DPP6: variants seen among roughly 807,000 people sequenced by gnomAD.
The protein encoded by DPP6 is A-type potassium channel modulatory protein DPP6.
Under a neutral mutation model 122.6 loss-of-function variants are expected in DPP6, and 69 were observed. The ratio of observed to expected loss-of-function variants is 0.56; its 90% CI spans 0.46 to 0.69. The LOEUF (loss-of-function observed/expected upper bound fraction) is 0.69. Among genes scored for constraint, DPP6 ranks in the 30% least tolerant of loss-of-function variants. The probability of loss-of-function intolerance (pLI) is 0.00; values close to 1 mark genes in which losing one functional copy is unlikely to be tolerated. For synonymous variants in DPP6, 418 were observed against 433.1 expected (o/e 0.97, Z 0.43); for missense variants, 928 against 1,116.9 (o/e 0.83, Z 2.41).
At chr7:154,757,694 G>A (rs533339605) in intron 8 of DPP6, among the ~76,000 whole-genome samples, 1 of 152,310 alleles carries the variant, frequency 6.6e-6, no homozygotes, top group Non-Finnish European at 1.5e-5. Context: ...TGGAGAGTCT[G>A]CCTCACAGCA....
intron 1 of DPP6, among the ~76,000 whole-genome samples, chr7:154,340,692 T>G (rs1031606755): frequency 6.6e-6 from 1 of 152,234 alleles, no homozygotes; most frequent in Non-Finnish European, 1.5e-5. Flanking sequence ...AACTAACATG[T>G]GTTTTTCATG....
At chr7:154,848,445 A>G (rs1218716632) in intron 16 of DPP6, among the ~76,000 whole-genome samples, 3 of 152,040 alleles carry the variant, frequency 2.0e-5, no homozygotes, top group Non-Finnish European at 4.4e-5. Flanking sequence ...TTTTTCATGT[A>G]TCTATTTTCT....
chr7:154,166,954 C>T (rs1229464395), intron 1 of DPP6, among the ~76,000 whole-genome samples: 3 of 148,360 alleles, frequency 2.0e-5, no homozygotes, highest in Non-Finnish European at 4.4e-5. Context: ...GAGATCACAC[C>T]ACTGCACTCC....
At chr7:154,153,824 C>T (rs1365802066) in intron 1 of DPP6, among the ~76,000 whole-genome samples, 1 of 152,154 alleles carries the variant, frequency 6.6e-6, no homozygotes, top group African/African-American at 2.4e-5. Context: ...AAAACAACAG[C>T]AGGCCCCGGG....
intron 1 of DPP6, among the ~76,000 whole-genome samples, chr7:154,243,220 A>AT (rs1269353512): frequency 6.6e-6 from 1 of 152,208 alleles, no homozygotes; most frequent in Non-Finnish European, 1.5e-5. Flanking sequence ...CCAGAATAAA[A>AT]TTTTTTTAAA....
chr7:153,801,958 TCTC>T, the DPP6 span, among the ~76,000 whole-genome samples: 1 of 152,068 alleles, frequency 6.6e-6, no homozygotes, highest in Admixed American at 6.5e-5. Flanking sequence ...CAAATATTGA[TCTC>T]CTCATGTCTC....
At chr7:154,110,291 C>A (rs1295145494) in intron 1 of DPP6, among the ~76,000 whole-genome samples, 1 of 152,064 alleles carries the variant, frequency 6.6e-6, no homozygotes, top group East Asian at 1.9e-4. Context: ...TTAGTGCCTA[C>A]CCTCTGATCA....
intron 1 of DPP6, among the ~76,000 whole-genome samples, chr7:154,136,386 C>T (rs1363969366): frequency 6.6e-6 from 1 of 152,126 alleles, no homozygotes; most frequent in East Asian, 1.9e-4. Context: ...CTTCCTCTCC[C>T]TAGGAGACAT....
At chr7:154,379,365 G>C (rs2151138192) in intron 1 of DPP6, among the ~76,000 whole-genome samples, 2 of 152,160 alleles carry the variant, frequency 1.3e-5, no homozygotes, top group Middle Eastern at 6.8e-3. Context: ...TCAGGTGGTG[G>C]GGGGCTGGGG....
At position 154,892,656 on chromosome 7, in the gene DPP6, G is replaced by A. The variant is rs1274186010; in HGVS notation, c.*176G>A. ...GCTTGGGAAACAAGCTCCTTCCCCG[G>A]GGTCATCACTCACGGCCTCCATGGC... On this transcript the variant is annotated 3_prime_UTR_variant, in exon 26 of 26. Coordinates refer to ENST00000377770, the MANE Select transcript of DPP6 (RefSeq NM_130797.4). 1 of 1,321,996 alleles carries A rather than the reference G, an allele frequency of 7.6e-7. No individual in the cohort carries two copies. The allele number at this position is 1,321,996 out of a possible 1,614,324, so 81.9% of individuals were successfully genotyped here. A position where few individuals can be genotyped will look rare whatever the true frequency, so the allele number is the denominator to read the frequency against.
At chr7:154,020,470 C>T (rs889255649) in intron 1 of DPP6, among the ~76,000 whole-genome samples, 1 of 151,790 alleles carries the variant, frequency 6.6e-6, no homozygotes, top group African/African-American at 2.4e-5. Flanking sequence ...AAAGATTAGC[C>T]TAGAGTCTCA....
At chr7:153,834,289 A>AAG in the DPP6 span, among the ~76,000 whole-genome samples, 12 of 150,958 alleles carry the variant, frequency 7.9e-5, no homozygotes, top group African/African-American at 2.7e-4. Context: ...AAAAAAAAAA[A>AAG]GTAAGTACAT....
intron 16 of DPP6, among the ~76,000 whole-genome samples, chr7:154,812,083 C>T (rs1022298583): frequency 1.3e-5 from 2 of 152,108 alleles, no homozygotes; most frequent in African/African-American, 2.4e-5. Flanking sequence ...GTTGTCTGGG[C>T]ATAGGAAGGG....
rs4067492 is a variant in DPP6 at position 154,105,954 on chromosome 7, A to T, written c.243+52891A>T. Reference sequence around the variant, plus strand: ...GGGCATGGCCCCGACTCGCTTTCCCATCTCACTTTTGGCCTGTCCCTCATG... The same window carrying T: ...GGGCATGGCCCCGACTCGCTTTCCCTTCTCACTTTTGGCCTGTCCCTCATG... On this transcript the variant is annotated intron_variant, in intron 1 of 25. Transcript: ENST00000377770. 6.2e-5 allele frequency among the ~76,000 whole-genome samples: 9 copies of T among 144,790 alleles called. 1 individual carries two copies. Among genetic ancestry groups the T allele is most frequent in the African/African-American group, 2.3e-4 (8 of 35,540 alleles). The allele number at this position is 144,790 out of a possible 152,430, so 95.0% of individuals were successfully genotyped here.
intron 1 of DPP6, among the ~76,000 whole-genome samples, chr7:154,375,762 CA>C (rs1304493832): frequency 1.3e-5 from 2 of 152,200 alleles, no homozygotes; most frequent in African/African-American, 4.8e-5. Flanking sequence ...ATTGGTATTT[CA>C]TTATGGCAGC....
rs1819856067 is a variant in DPP6 at position 154,446,229 on chromosome 7, A to G, written c.259A>G (p.Asn87Asp). Residue 87 changes from asparagine (N) to aspartate (D), a missense_variant, in exon 2 of 26, where the codon AAC becomes GAC. By Grantham distance (23) the Asn-to-Asp change is conservative. Transcript: ENST00000377770. ...CTGTTTTTAGGAGCTGGTGGGGAGTAACCCTCCGCAGAGGAATTGGAAAGG... is the reference window on the plus strand; with the variant it reads ...CTGTTTTTAGGAGCTGGTGGGGAGTGACCCTCCGCAGAGGAATTGGAAAGG... ...GDEEDELVGSNPPQRNWKGIA... is the reference protein window; with the variant it reads ...GDEEDELVGSDPPQRNWKGIA... The G allele has an allele frequency of 6.2e-7, 1 of 1,604,386 alleles. No homozygotes were observed. The highest frequency in any genetic ancestry group is 8.5e-7 in the Non-Finnish European group (1 of 1,175,220).
At chr7:154,278,181 C>A (rs1452686062) in intron 1 of DPP6, among the ~76,000 whole-genome samples, 1 of 152,178 alleles carries the variant, frequency 6.6e-6, no homozygotes, top group Non-Finnish European at 1.5e-5. Flanking sequence ...ACTTACAACT[C>A]CACAGTAAGT....
intron 1 of DPP6, among the ~76,000 whole-genome samples, chr7:154,428,561 A>G (rs1195084934): frequency 2.0e-5 from 3 of 152,026 alleles, no homozygotes; most frequent in East Asian, 3.9e-4. Context: ...GGCTTACTGC[A>G]AAAAAAATTC....
In DPP6 at chr7:154,892,805, A is replaced by C. The variant is rs778945370; in HGVS notation, c.*325A>C. On this transcript the variant is annotated 3_prime_UTR_variant, in exon 26 of 26. Coordinates refer to ENST00000377770, the MANE Select transcript of DPP6 (RefSeq NM_130797.4). Reference sequence around the variant, plus strand: ...GGCCGCAGGCCCCACGCGAGCCCACAGGACACCGGCCCCTAGATTCCAGCC... The same window carrying C: ...GGCCGCAGGCCCCACGCGAGCCCACCGGACACCGGCCCCTAGATTCCAGCC... 3.3e-5 allele frequency: 19 copies of C among 574,508 alleles called. 2 individuals carry two copies. The Admixed American group carries it at 3.6e-4, about 11-fold the overall frequency. The allele number at this position is 574,508 out of a possible 1,614,324, so 35.6% of individuals were successfully genotyped here. A position where few individuals can be genotyped will look rare whatever the true frequency, so the allele number is the denominator to read the frequency against.
Sources: allele counts gnomAD v4.1 joint callset (sites outside exome capture counted in the v4.1 genomes callset), GRCh38; gene constraint gnomAD v4.1.1; transcripts MANE v1.5; gene names NCBI Gene and HGNC (gene_info 2026-07-23, HGNC 2026-07-21).